The following GPHN variants were observed in gnomAD, a reference collection of about 807,000 sequenced individuals.
GPHN encodes the protein gephyrin.
In GPHN, 17 loss-of-function variants were observed where a neutral mutation model predicts 95.5. The observed-to-expected ratio is 0.18, with a 90% confidence interval of 0.12 to 0.27. GPHN has a LOEUF of 0.27. GPHN is among the 10% of genes least tolerant of loss of function. The pLI is 1.00. For synonymous variants in GPHN, 320 were observed against 322.5 expected (o/e 0.99, Z 0.08); for missense variants, 660 against 978.1 (o/e 0.67, Z 4.34).
the GPHN span, among the ~76,000 whole-genome samples, chr14:67,535,516 G>A: frequency 6.6e-6 from 1 of 151,756 alleles, no homozygotes; most frequent in Non-Finnish European, 1.5e-5. Flanking sequence ...AAGTGGCTGG[G>A]ATTAACAGGC....
At chr14:66,947,660 A>T (rs1038911372) in intron 8 of GPHN, among the ~76,000 whole-genome samples, 6 of 152,220 alleles carry the variant, frequency 3.9e-5, no homozygotes, top group Admixed American at 2.0e-4. Flanking sequence ...CCCATGATGT[A>T]TAAGAATTGT....
intron 3 of GPHN, among the ~76,000 whole-genome samples, chr14:66,799,065 A>G (rs1406668515): frequency 6.6e-6 from 1 of 151,902 alleles, no homozygotes; most frequent in East Asian, 1.9e-4. Flanking sequence ...TAATTTCTTA[A>G]TTGACCCAGT....
chr14:67,377,147 C>T, the GPHN span, among the ~76,000 whole-genome samples: 1 of 152,184 alleles, frequency 6.6e-6, no homozygotes, highest in Non-Finnish European at 1.5e-5. Context: ...CCTTTTCTCT[C>T]TTATCCAACA....
intron 2 of GPHN, among the ~76,000 whole-genome samples, chr14:66,733,213 C>T (rs1201714257): frequency 1.3e-5 from 2 of 151,946 alleles, no homozygotes; most frequent in Non-Finnish European, 1.5e-5. Flanking sequence ...TCTTGCTTGT[C>T]GCCACATAAG....
At chr14:66,719,822 T>G (rs2070551636) in intron 2 of GPHN, among the ~76,000 whole-genome samples, 1 of 152,182 alleles carries the variant, frequency 6.6e-6, no homozygotes, top group African/African-American at 2.4e-5. Flanking sequence ...TTCAGAAATT[T>G]TCTATGGGTT....
chr14:67,552,559 A>C, the GPHN span, among the ~76,000 whole-genome samples: 2 of 152,152 alleles, frequency 1.3e-5, no homozygotes, highest in Non-Finnish European at 2.9e-5. Context: ...CGAGGTCAGG[A>C]GATCGAGACC....
intron 19 of GPHN, among the ~76,000 whole-genome samples, chr14:67,160,508 T>A (rs2081909809): frequency 6.6e-6 from 1 of 152,152 alleles, no homozygotes; most frequent in African/African-American, 2.4e-5. Context: ...TTATAAATCC[T>A]CAAAGGTTGC....
At chr14:66,691,517 A>G (rs776760839) in intron 2 of GPHN, among the ~76,000 whole-genome samples, 1 of 152,200 alleles carries the variant, frequency 6.6e-6, no homozygotes, top group Non-Finnish European at 1.5e-5. Context: ...AAAAATTTTT[A>G]ATGAATATTT....
At chr14:66,948,860 A>C (rs2067913712) in intron 8 of GPHN, among the ~76,000 whole-genome samples, 2 of 152,144 alleles carry the variant, frequency 1.3e-5, no homozygotes, top group Admixed American at 6.5e-5. Context: ...GCAGGAGTGC[A>C]ACAGCACAGT....
At chr14:67,488,860 G>A in the GPHN span, 1 of 152,344 alleles carries the variant, frequency 6.6e-6, no homozygotes, top group East Asian at 1.9e-4. Context: ...TCCTTTTGAG[G>A]GCAGTGTCCC....
chr14:66,945,141 G>A (rs943883001), intron 8 of GPHN, among the ~76,000 whole-genome samples: 13 of 152,156 alleles, frequency 8.5e-5, no homozygotes, highest in Non-Finnish European at 1.6e-4. Context: ...TTAGTTGCAT[G>A]GACACATTAT....
chr14:66,733,442 A>G (rs2071980762), intron 2 of GPHN, among the ~76,000 whole-genome samples: 1 of 152,028 alleles, frequency 6.6e-6, no homozygotes, highest in South Asian at 2.1e-4. Flanking sequence ...AGCCATTTTC[A>G]GGTAAGATGA....
chr14:67,712,605 G>A, the GPHN span, among the ~76,000 whole-genome samples: 1 of 150,370 alleles, frequency 6.7e-6, no homozygotes, highest in South Asian at 2.1e-4. Flanking sequence ...TTTTAATTAA[G>A]CTGACTTTTA....
chr14:67,332,863 T>C, the GPHN span: 1 of 1,614,110 alleles, frequency 6.2e-7, no homozygotes. Flanking sequence ...CAATTGTGAA[T>C]TCCGATCTTG....
intron 17 of GPHN, among the ~76,000 whole-genome samples, chr14:67,129,772 A>AAGAG (rs149337227): frequency 0.29 from 43,860 of 149,068 alleles, 11,066 homozygotes; most frequent in African/African-American, 0.67. Flanking sequence ...GAAAGAAAGA[A>AAGAG]AGAGAGAAAG....
the GPHN span, among the ~76,000 whole-genome samples, chr14:67,545,135 G>A: frequency 3.9e-5 from 6 of 152,138 alleles, no homozygotes; most frequent in African/African-American, 1.4e-4. Context: ...CTAGGGTGAT[G>A]GTCTCTGGAT....
At chr14:67,733,141 AC>A in the GPHN span, among the ~76,000 whole-genome samples, 8 of 146,394 alleles carry the variant, frequency 5.5e-5, no homozygotes, top group Admixed American at 4.1e-4. Flanking sequence ...ATTAAAAAAA[AC>A]AAAAAAAAAC....
At chr14:67,575,683 G>T in the GPHN span, 24 of 733,820 alleles carry the variant, frequency 3.3e-5, no homozygotes, top group Non-Finnish European at 5.5e-5. Context: ...GCCTGGCTGG[G>T]ATGCTATAGT....
chr14:67,695,940 G>A, the GPHN span: 2 of 513,200 alleles, frequency 3.9e-6, no homozygotes, highest in Admixed American at 3.6e-5. Flanking sequence ...TAGGGCCTGT[G>A]GGATCATTCA....
Sources: allele counts gnomAD v4.1 joint callset (sites outside exome capture counted in the v4.1 genomes callset), GRCh38; gene constraint gnomAD v4.1.1; transcripts MANE v1.5; gene names NCBI Gene and HGNC (gene_info 2026-07-23, HGNC 2026-07-21).